Variants in HTR1D observed in about 807,000 individuals in gnomAD.
The protein encoded by HTR1D is 5-hydroxytryptamine receptor 1D, also known as 5-HT-1D.
A neutral mutation model predicts 21.1 loss-of-function variants in HTR1D; 18 were observed. The ratio of observed to expected loss-of-function variants is 0.85; its 90% CI spans 0.59 to 1.27. The LOEUF (loss-of-function observed/expected upper bound fraction) is 1.27. Among genes scored for constraint, HTR1D ranks in the 50% most tolerant of loss-of-function variants. The pLI is 0.00. For missense variants in HTR1D, 456 were observed against 481.4 expected, an observed-to-expected ratio of 0.95 and a Z score of 0.49; for synonymous variants, 196 against 204.4, an observed-to-expected ratio of 0.96 and a Z score of 0.35.
At chr1:23,210,828 C>G (rs28409571) in intron 1 of HTR1D, among the ~76,000 whole-genome samples, 25,493 of 152,004 alleles carry the variant, frequency 0.17, 2,388 homozygotes, top group Middle Eastern at 0.26. Flanking sequence ...CTGCATCCCC[C>G]CTATACTGGA....
chr1:23,215,067 A>G (rs928081383), intron 1 of HTR1D, among the ~76,000 whole-genome samples: 10 of 152,110 alleles, frequency 6.6e-5, no homozygotes, highest in African/African-American at 2.4e-4. Flanking sequence ...CCCAGAGAAG[A>G]GAGTGTTTTG....
intron 1 of HTR1D, among the ~76,000 whole-genome samples, chr1:23,196,455 A>G (rs891597265): frequency 1.1e-4 from 16 of 151,674 alleles, no homozygotes; most frequent in Non-Finnish European, 1.9e-4. Flanking sequence ...AAAAAAAAAA[A>G]AAGAAGGAGC....
Position 23,217,326 on chromosome 1 carries a change from A to G in HTR1D, c.-818T>C, listed in dbSNP as rs967062340. On this transcript the variant is annotated 5_prime_UTR_variant, in exon 1 of 2. Coordinates refer to ENST00000374619, the MANE Select transcript of HTR1D (RefSeq NM_000864.5). This position sits in a 1 kb window ranked among gnomAD's most constrained non-coding sequence, Gnocchi z 4.6. The stretch of plus-strand genomic sequence containing the variant: ...GCGGGCAGGTGCGCACACCCGGCGT[A>G]CCCGCCCGATCCACTTCCTCGCGCG... Among the ~76,000 whole-genome samples the G allele has an allele frequency of 6.6e-6, 1 of 150,542 alleles. No individual in the cohort carries two copies. The highest frequency in any genetic ancestry group is 2.5e-5 in the African/African-American group (1 of 40,804).
chr1:23,206,391 C>T (rs982689925), intron 1 of HTR1D, among the ~76,000 whole-genome samples: 4 of 152,052 alleles, frequency 2.6e-5, no homozygotes, highest in Non-Finnish European at 5.9e-5. Flanking sequence ...TCCAGTGGCT[C>T]CCACTGCACC....
chr1:23,206,471 C>T (rs1644731349), intron 1 of HTR1D, among the ~76,000 whole-genome samples: 1 of 152,176 alleles, frequency 6.6e-6, no homozygotes, highest in African/African-American at 2.4e-5. Context: ...CTTCCATCTC[C>T]AGCCCCATCT....
At position 23,193,591 on chromosome 1, in the gene HTR1D, G is replaced by A. The variant is rs779362864; in HGVS notation, c.629C>T (p.Ser210Leu). The change falls in exon 2 of 2, where the codon TCG becomes TTG. Residue 210 changes from serine to leucine, a missense_variant. Coordinates refer to ENST00000374619, the MANE Select transcript of HTR1D (RefSeq NM_000864.5). ...GCCATATAGGATGATGAGCAACACC[G>A]AGGGAATGTAGAAGGCCCCACAGGT... ...YSTCGAFYIP[S>L]VLLIILYGRI... 5.6e-6 allele frequency: 9 copies of A among 1,614,010 alleles called. No homozygotes were observed. Among genetic ancestry groups the A allele is most frequent in the African/African-American group, 2.7e-5 (2 of 74,942 alleles).
chr1:23,213,565 C>T (rs531578838), intron 1 of HTR1D, among the ~76,000 whole-genome samples: 4 of 152,314 alleles, frequency 2.6e-5, no homozygotes, highest in East Asian at 3.9e-4. Context: ...ATAGGCCAGA[C>T]CTTTCACTCC....
In HTR1D at chr1:23,193,353, C is replaced by A. The variant is rs747784175; in HGVS notation, c.867G>T (p.Lys289Asn). The change falls in exon 2 of 2, where the codon AAG becomes AAT. Residue 289 changes from lysine (K) to asparagine (N), a missense_variant. Lys to Asn is a moderately conservative substitution (Grantham distance 94, BLOSUM62 0). Transcript: ENST00000374619. The stretch of plus-strand genomic sequence containing the variant: ...TCCTTTCTCGAGCAGCAGAAATCCT[C>A]TTGCGTTCCAGGGCACTGTCAGCAA... ...IKLADSALER[K>N]RISAARERKA... is the part of the protein sequence containing the mutation. 22 of 1,614,210 alleles carry A rather than the reference C, an allele frequency of 1.4e-5. No homozygotes were observed. In the Admixed American group the frequency reaches 3.7e-4, roughly 27 times the overall value.
At chr1:23,195,341 A>G (rs1367120067) in intron 1 of HTR1D, among the ~76,000 whole-genome samples, 1 of 152,050 alleles carries the variant, frequency 6.6e-6, no homozygotes, top group Non-Finnish European at 1.5e-5. Flanking sequence ...CCATCAGGAA[A>G]GAAACCAAAT....
rs765275514 is a variant in HTR1D at position 23,193,146 on chromosome 1, C to T, written c.1074G>A (p.Val358=). The change falls in exon 2 of 2, where the codon GTG becomes GTA. Residue 358 remains valine, a synonymous_variant. Transcript: ENST00000374619. The part of the protein sequence containing the change: ...NSLINPIIYT[V]FNEEFRQAFQ... ...AAGCTTGCCGAAACTCTTCATTAAA[C>T]ACAGTGTAGATTATTGGATTGATGA... The T allele has an allele frequency of 1.9e-6, 3 of 1,613,828 alleles. No individual in the cohort carries two copies. Among genetic ancestry groups the T allele is most frequent in the South Asian group, 2.2e-5 (2 of 91,024 alleles).
rs567138357 is a variant in HTR1D at position 23,217,075 on chromosome 1, C to T, written c.-783+216G>A. ...CCTCCCTGGGCGCTGCCTCAGTCCTCCCTTTTCTCCCGGGGCTCTGGACGG... is the reference window on the plus strand; with the variant it reads ...CCTCCCTGGGCGCTGCCTCAGTCCTTCCTTTTCTCCCGGGGCTCTGGACGG... On this transcript the variant is annotated intron_variant, in intron 1 of 1. Coordinates refer to ENST00000374619, the MANE Select transcript of HTR1D (RefSeq NM_000864.5). The surrounding 1 kb of genome is among the most constrained non-coding windows in gnomAD (Gnocchi z 4.6). Among the ~76,000 whole-genome samples the T allele has an allele frequency of 3.8e-3, 584 of 152,098 alleles. 3 individuals are homozygous for T. The highest frequency in any genetic ancestry group is 0.034 in the South Asian group (165 of 4,826).
At chr1:23,213,718 C>T (rs1644762918) in intron 1 of HTR1D, among the ~76,000 whole-genome samples, 1 of 152,114 alleles carries the variant, frequency 6.6e-6, no homozygotes, top group South Asian at 2.1e-4. Context: ...TGTCTGCTTT[C>T]TAAATTTTTT....
intron 1 of HTR1D, among the ~76,000 whole-genome samples, chr1:23,201,107 C>T (rs1278400652): frequency 2.6e-5 from 4 of 152,194 alleles, no homozygotes; most frequent in Non-Finnish European, 5.9e-5. Context: ...CCAGGGTGGA[C>T]ATGTGACCCA....
At chr1:23,202,317 T>G (rs1201606003) in intron 1 of HTR1D, among the ~76,000 whole-genome samples, 7 of 152,274 alleles carry the variant, frequency 4.6e-5, no homozygotes, top group African/African-American at 1.7e-4. Flanking sequence ...GGTTTCGTAC[T>G]CCTGGCCTCA....
intron 1 of HTR1D, among the ~76,000 whole-genome samples, chr1:23,203,785 C>T (rs1183384929): frequency 6.6e-6 from 1 of 152,154 alleles, no homozygotes; most frequent in African/African-American, 2.4e-5. Flanking sequence ...AAGATACATG[C>T]AAGAATTGTT....
chr1:23,207,784 C>A (rs897675869), intron 1 of HTR1D, among the ~76,000 whole-genome samples: 3 of 118,606 alleles, frequency 2.5e-5, no homozygotes, highest in Non-Finnish European at 5.0e-5. Flanking sequence ...TTTTTTGAGG[C>A]GGAGTCTTGC....
chr1:23,216,982 G>A (rs1644776799), intron 1 of HTR1D, among the ~76,000 whole-genome samples: 1 of 152,000 alleles, frequency 6.6e-6, no homozygotes, highest in Non-Finnish European at 1.5e-5. Flanking sequence ...CGGCCCGGGG[G>A]TGCTTCCTGC....
rs776988667 is a variant in HTR1D, at chr1:23,193,970, C to T, written c.250G>A (p.Asp84Asn). Reference protein sequence around the residue: ...NYLIGSLATTDLLVSILVMPI... With the variant: ...NYLIGSLATTNLLVSILVMPI... Reference sequence around the variant, plus strand: ...ATTACCAAGATGGAAACCAAGAGGTCGGTGGTGGCCAGGGAGCCAATCAGG... The same window carrying T: ...ATTACCAAGATGGAAACCAAGAGGTTGGTGGTGGCCAGGGAGCCAATCAGG... The change falls in exon 2 of 2, where the codon GAC becomes AAC. Residue 84 changes from aspartate (D) to asparagine (N), a missense_variant. Asp to Asn is a conservative substitution (Grantham distance 23). Transcript: ENST00000374619. 10 of 1,613,928 alleles carry T rather than the reference C, an allele frequency of 6.2e-6. No individual in the cohort carries two copies. In the Admixed American group the frequency reaches 6.7e-5, roughly 11 times the overall value.
At chr1:23,198,399 T>A (rs997290279) in intron 1 of HTR1D, among the ~76,000 whole-genome samples, 8 of 150,544 alleles carry the variant, frequency 5.3e-5, no homozygotes, top group Non-Finnish European at 1.0e-4. Context: ...TGTAGAGCAA[T>A]TTTCTACCAC....
Sources: gnomAD v4.1 joint callset for allele counts (sites outside exome capture counted in the v4.1 genomes callset) on GRCh38, gnomAD v4.1.1 for gene constraint, Gnocchi (gnomAD v3.1) non-coding constraint, MANE v1.5 for transcripts, NCBI Gene and HGNC (gene_info 2026-07-23, HGNC 2026-07-21) for gene names.